SLC30A6: variants seen among roughly 807,000 people sequenced by gnomAD.
SLC30A6 encodes zinc transporter 6.
SLC30A6 carries 55 observed loss-of-function variants against 63.0 expected under a neutral mutation model. That is an observed-to-expected ratio of 0.87 (90% confidence interval 0.70 to 1.09). The LOEUF is 1.09. SLC30A6 is among the 50% of genes least tolerant of loss of function. The pLI is 0.00. For missense variants in SLC30A6, 587 were observed against 549.2 expected (o/e 1.07, Z -0.69); for synonymous variants, 224 against 186.1 (o/e 1.20, Z -1.66).
chr2:32,205,371 A>C (rs776777118), intron 11 of SLC30A6, among the ~76,000 whole-genome samples: 13 of 152,172 alleles, frequency 8.5e-5, no homozygotes, highest in Non-Finnish European at 1.9e-4. Context: ...CAGTGAGCTG[A>C]CATTGTACCA....
In SLC30A6 at chr2:32,209,574, AC is replaced by A. The variant is rs1558421209; in HGVS notation, c.885+14del. 12 of 1,584,580 alleles carry A rather than the reference AC, an allele frequency of 7.6e-6. No individual in the cohort carries two copies. Among genetic ancestry groups the A allele is most frequent in the Non-Finnish European group, 1.0e-5 (12 of 1,166,372 alleles). On this transcript the variant is annotated intron_variant, in intron 13 of 13. Transcript: ENST00000282587. ...TTTTGGCTCATTGGTATGTTCTTTT[AC>A]ATATGACTTTAGTTATAATTTAAAA...
At position 32,169,589 on chromosome 2, in the gene SLC30A6, T is replaced by C. The variant is rs1220739738; in HGVS notation, c.4-1698T>C. Among the ~76,000 whole-genome samples the C allele has an allele frequency of 2.6e-5, 4 of 152,176 alleles. No homozygotes were observed. The East Asian group carries it at 5.8e-4, about 22-fold the overall frequency. ...GTCAGGAGATCAAGACCATCCTGGC[T>C]AACACGGTGAAACCCCGTCTCTACT... is the stretch of plus-strand genomic sequence containing the variant. On this transcript the variant is annotated intron_variant, in intron 1 of 13. Transcript: ENST00000282587.
chr2:32,165,989 G>A, intron 1 of SLC30A6, 86 bp downstream of exon 1: 2 of 1,585,352 alleles, frequency 1.3e-6, no homozygotes, highest in Non-Finnish European at 1.7e-6. Flanking sequence ...AAATCCCTCA[G>A]CCACCCAGAG....
chr2:32,220,671 T>C lies in SLC30A6; in HGVS notation c.1344T>C (p.Ser448=). ...GGACTGGTTTTACAAATATACCAAGTAGATATGGAACTAATAATAGAATTG... is the reference window on the plus strand; with the variant it reads ...GGACTGGTTTTACAAATATACCAAGCAGATATGGAACTAATAATAGAATTG... The part of the protein sequence containing the change: ...GLRTGFTNIP[S]RYGTNNRIGQ... Residue 448 remains serine (S), a synonymous_variant, in exon 14 of 14, where the codon AGT becomes AGC. Coordinates refer to ENST00000282587, the MANE Select transcript of SLC30A6 (RefSeq NM_017964.5). The C allele has an allele frequency of 6.2e-7, 1 of 1,613,958 alleles. No individual in the cohort carries two copies. Among genetic ancestry groups the C allele is most frequent in the Non-Finnish European group, 8.5e-7 (1 of 1,179,886 alleles).
At chr2:32,191,539 A>T (rs1333299025) in intron 5 of SLC30A6, among the ~76,000 whole-genome samples, 1 of 152,194 alleles carries the variant, frequency 6.6e-6, no homozygotes, top group African/African-American at 2.4e-5. Flanking sequence ...CCTCTGGCTT[A>T]TAGTCTAGGG....
chr2:32,186,819 G>A (rs551095439), intron 5 of SLC30A6, among the ~76,000 whole-genome samples: 1 of 151,768 alleles, frequency 6.6e-6, no homozygotes, highest in South Asian at 2.1e-4. Flanking sequence ...CAAAGAGCGA[G>A]ACCCCGTCTC....
chr2:32,180,699 C>G (rs1183444137), intron 4 of SLC30A6, among the ~76,000 whole-genome samples: 2 of 152,142 alleles, frequency 1.3e-5, no homozygotes, highest in East Asian at 3.8e-4. Context: ...TGCCAAAGTG[C>G]TGGGATTACA....
Position 32,223,655 on chromosome 2 carries a change from T to C in SLC30A6, c.*2942T>C, listed in dbSNP as rs1007804219. ...CAACACCCAAGCCATTAATTTGAGG[T>C]GCCATGAGAATAGGTGAACCACAGC... On this transcript the variant is annotated 3_prime_UTR_variant, in exon 14 of 14. Transcript: ENST00000282587. 2.6e-5 allele frequency: 4 copies of C among 152,190 alleles called. No homozygotes were observed. Among genetic ancestry groups the C allele is most frequent in the Non-Finnish European group, 4.4e-5 (3 of 68,036 alleles). The allele number at this position is 152,190 out of a possible 1,614,324, so 9.4% of individuals were successfully genotyped here.
Position 32,220,590 on chromosome 2 carries a change from C to T in SLC30A6, c.1263C>T (p.Ser421=), listed in dbSNP as rs1686083931. ...TCAATCATGGACACACACCTTACAG[C>T]AGCATGCTTAATCAAGGACTTGGAG... ...FGLNHGHTPY[S]SMLNQGLGVP... is the part of the protein sequence containing the mutation. Residue 421 remains serine (S), a synonymous_variant, in exon 14 of 14, where the codon AGC becomes AGT. Coordinates refer to ENST00000282587, the MANE Select transcript of SLC30A6 (RefSeq NM_017964.5). 6.2e-7 allele frequency: 1 copy of T among 1,614,078 alleles called. No homozygotes were observed. Among genetic ancestry groups the T allele is most frequent in the African/African-American group, 1.3e-5 (1 of 74,936 alleles).
intron 13 of SLC30A6, 55 bp from the exon 14 acceptor site, chr2:32,220,158 T>A: frequency 6.6e-7 from 1 of 1,525,828 alleles, no homozygotes; most frequent in Non-Finnish European, 8.8e-7. Flanking sequence ...ATCTAATGAA[T>A]TTTTTGTTAG....
chr2:32,204,677 G>T lies in SLC30A6; in HGVS notation c.753G>T (p.Gly251=), dbSNP rs761001627. 6.2e-7 allele frequency: 1 copy of T among 1,606,516 alleles called. No individual in the cohort carries two copies. Among genetic ancestry groups the T allele is most frequent in the African/African-American group, 1.3e-5 (1 of 74,944 alleles). The part of the protein sequence containing the change: ...GTMYPMSVYS[G]KVLLQTTPPH... The stretch of plus-strand genomic sequence containing the variant: ...TGTATCCCATGAGTGTGTACAGTGG[G>T]AAAGTCTTACTCCAGGTAAGGTGCT... The change falls in exon 11 of 14, where the codon GGG becomes GGT. Residue 251 remains glycine (G), a synonymous_variant. Transcript: ENST00000282587.
At chr2:32,216,779 A>C (rs2148911401) in intron 13 of SLC30A6, among the ~76,000 whole-genome samples, 1 of 150,848 alleles carries the variant, frequency 6.6e-6, no homozygotes, top group South Asian at 2.1e-4. Flanking sequence ...TTCAGTTTTT[A>C]AGTTCTGTAT....
At chr2:32,213,639 C>T (rs1257909879) in intron 13 of SLC30A6, among the ~76,000 whole-genome samples, 1 of 152,082 alleles carries the variant, frequency 6.6e-6, no homozygotes, top group African/African-American at 2.4e-5. Flanking sequence ...GCATTTCAAA[C>T]ACTGCCACCA....
At chr2:32,191,072 A>G (rs770657045) in intron 5 of SLC30A6, among the ~76,000 whole-genome samples, 2 of 152,178 alleles carry the variant, frequency 1.3e-5, no homozygotes, top group African/African-American at 2.4e-5. Flanking sequence ...TGAAATACCT[A>G]TTGATATCTG....
intron 12 of SLC30A6, among the ~76,000 whole-genome samples, chr2:32,208,326 T>C (rs1350915413): frequency 6.6e-6 from 1 of 151,988 alleles, no homozygotes; most frequent in Non-Finnish European, 1.5e-5. Context: ...AGACGAGGTT[T>C]CACCATGTTG....
At chr2:32,169,668 A>C (rs1331599544) in intron 1 of SLC30A6, among the ~76,000 whole-genome samples, 2 of 151,958 alleles carry the variant, frequency 1.3e-5, no homozygotes, top group Non-Finnish European at 2.9e-5. Context: ...AGTCCCAGCT[A>C]CTCCTTCACC....
intron 4 of SLC30A6, among the ~76,000 whole-genome samples, chr2:32,183,265 G>A (rs1682502135): frequency 6.6e-6 from 1 of 152,086 alleles, no homozygotes; most frequent in Non-Finnish European, 1.5e-5. Context: ...GAGAATTGAG[G>A]AATTGTGAGC....
chr2:32,200,659 G>C (rs1684206692), intron 10 of SLC30A6, among the ~76,000 whole-genome samples: 1 of 151,246 alleles, frequency 6.6e-6, no homozygotes, highest in South Asian at 2.1e-4. Flanking sequence ...AAGGCAGCAT[G>C]CTCGTTAAGA....
At position 32,175,318 on chromosome 2, in the gene SLC30A6, G is replaced by A; in HGVS notation, c.176-1G>A. The A allele has an allele frequency of 1.9e-6, 3 of 1,610,768 alleles. No homozygotes were observed. The highest frequency in any genetic ancestry group is 2.5e-6 in the Non-Finnish European group (3 of 1,179,054). On this transcript the variant is annotated splice_acceptor_variant, in intron 3 of 13. Transcript: ENST00000282587. LOFTEE classifies it high-confidence loss of function. ...TTAATCATTTTTTTGTTGTTTTGCA[G>A]CTTTAACTGCCTATACTTACCTGAC...
Sources: gnomAD v4.1 joint callset for allele counts (sites outside exome capture counted in the v4.1 genomes callset) on GRCh38, gnomAD v4.1.1 for gene constraint, MANE v1.5 for transcripts, NCBI Gene and HGNC (gene_info 2026-07-23, HGNC 2026-07-21) for gene names.